Variants in B4GALT6 observed in about 807,000 individuals in gnomAD.
B4GALT6 encodes the protein UDP-Gal:beta-GlcNAc beta-1,4-galactosyltransferase 6.
Under a neutral mutation model 46.3 loss-of-function variants are expected in B4GALT6, and 14 were observed. The observed-to-expected ratio is 0.30, with a 90% CI of 0.20 to 0.47. B4GALT6 has a LOEUF of 0.47. Ranked by LOEUF, B4GALT6 falls within the 20% of genes least tolerant of loss-of-function variation. B4GALT6 has a pLI of 0.99. For synonymous variants in B4GALT6, 168 were observed against 162.0 expected (o/e 1.04, Z -0.28); for missense variants, 386 against 480.1 (o/e 0.80, Z 1.83).
At chr18:31,712,699 T>C in the B4GALT6 span, among the ~76,000 whole-genome samples, 1 of 152,214 alleles carries the variant, frequency 6.6e-6, no homozygotes, top group Non-Finnish European at 1.5e-5. Context: ...CCTAATCCTT[T>C]GGTTGTGCTC....
intron 1 of B4GALT6, among the ~76,000 whole-genome samples, chr18:31,674,850 G>A (rs982557913): frequency 1.3e-5 from 2 of 150,878 alleles, no homozygotes; most frequent in African/African-American, 4.9e-5. Context: ...GTGCCAGGCT[G>A]TTTAAAAAAA....
chr18:31,703,995 T>C, the B4GALT6 span, among the ~76,000 whole-genome samples: 2 of 152,170 alleles, frequency 1.3e-5, no homozygotes, highest in African/African-American at 4.8e-5. Context: ...ATTTTAATCC[T>C]TTTTTGTTAT....
intron 7 of B4GALT6, 113 bp from the exon 8 acceptor site, chr18:31,626,497 C>A (rs1021049278): frequency 8.8e-6 from 5 of 567,106 alleles, no homozygotes; most frequent in Non-Finnish European, 1.2e-5. Flanking sequence ...TCCCCAACCC[C>A]TGGGCCACAA....
the B4GALT6 span, among the ~76,000 whole-genome samples, chr18:31,715,417 TG>T: frequency 6.6e-6 from 1 of 151,624 alleles, no homozygotes; most frequent in Non-Finnish European, 1.5e-5. Flanking sequence ...TTTGTAGAGA[TG>T]GGGTCTCACT....
chr18:31,709,895 C>T, the B4GALT6 span, among the ~76,000 whole-genome samples: 1 of 151,762 alleles, frequency 6.6e-6, no homozygotes, highest in Admixed American at 6.6e-5. Context: ...GAGTTCAAGA[C>T]CAGCCTGGAC....
At chr18:31,701,122 C>G in the B4GALT6 span, among the ~76,000 whole-genome samples, 2 of 152,268 alleles carry the variant, frequency 1.3e-5, no homozygotes, top group East Asian at 1.9e-4. Context: ...CATGTTGAAT[C>G]GTAATCCCCA....
chr18:31,643,853 T>C (rs752400454), intron 4 of B4GALT6, among the ~76,000 whole-genome samples: 1 of 152,218 alleles, frequency 6.6e-6, no homozygotes, highest in Non-Finnish European at 1.5e-5. Flanking sequence ...AGGGGTGTGC[T>C]ACATTCTGTA....
rs923522289 is a variant in B4GALT6 at position 31,622,927 on chromosome 18, C to T, written c.*2687G>A. The T allele has an allele frequency of 6.6e-6, 1 of 151,964 alleles. No individual in the cohort carries two copies. The allele number at this position is 151,964 out of a possible 1,614,324, so 9.4% of individuals were successfully genotyped here. On this transcript the variant is annotated 3_prime_UTR_variant, in exon 9 of 9. Coordinates refer to ENST00000306851, the MANE Select transcript of B4GALT6 (RefSeq NM_004775.5). Reference sequence around the variant, plus strand: ...CACCATGTAATTTTCCCAGTTAGTGCCATAGGGACCTCCTATTAGCCCTAG... The same window carrying T: ...CACCATGTAATTTTCCCAGTTAGTGTCATAGGGACCTCCTATTAGCCCTAG...
chr18:31,660,671 A>G (rs1356047426), intron 2 of B4GALT6, among the ~76,000 whole-genome samples: 1 of 152,196 alleles, frequency 6.6e-6, no homozygotes, highest in East Asian at 1.9e-4. Context: ...AGGAAAGAAA[A>G]AGAATTGAAA....
chr18:31,661,587 C>G (rs1426078695), intron 2 of B4GALT6, among the ~76,000 whole-genome samples: 1 of 152,042 alleles, frequency 6.6e-6, no homozygotes, highest in Non-Finnish European at 1.5e-5. Context: ...GCTTTTGTTG[C>G]ACATACCACC....
At chr18:31,651,991 C>G (rs931813967) in intron 3 of B4GALT6, among the ~76,000 whole-genome samples, 6 of 152,100 alleles carry the variant, frequency 3.9e-5, no homozygotes, top group African/African-American at 7.2e-5. Flanking sequence ...AGGATGGTCT[C>G]GATCTCCTGA....
At chr18:31,674,551 T>C (rs1232845707) in intron 1 of B4GALT6, among the ~76,000 whole-genome samples, 26 of 152,158 alleles carry the variant, frequency 1.7e-4, no homozygotes, top group Admixed American at 1.7e-3. Flanking sequence ...TAACTACAGA[T>C]ATGTGAATCA....
chr18:31,718,731 T>G, the B4GALT6 span, among the ~76,000 whole-genome samples: 1 of 152,226 alleles, frequency 6.6e-6, no homozygotes, highest in Non-Finnish European at 1.5e-5. Context: ...GGAAGGGCAC[T>G]GATTCCTGGA....
chr18:31,633,783 C>T (rs2073822178), intron 5 of B4GALT6, among the ~76,000 whole-genome samples: 1 of 152,202 alleles, frequency 6.6e-6, no homozygotes, highest in Admixed American at 6.5e-5. Context: ...CTCACCTCCC[C>T]AGAGAGGCCT....
At chr18:31,699,569 C>T in the B4GALT6 span, among the ~76,000 whole-genome samples, 2 of 150,912 alleles carry the variant, frequency 1.3e-5, no homozygotes, top group South Asian at 4.2e-4. Context: ...CCACCACGCC[C>T]GGCCTAGACA....
rs533568432 is a variant in B4GALT6, at chr18:31,670,160, C to G, written c.116-3788G>C. ...CCTCCACCTCCTGGGCTCAAGCGAT[C>G]CTCCCACCTCAGTCTCACAAGTAGC... is the stretch of plus-strand genomic sequence containing the variant. On this transcript the variant is annotated intron_variant, in intron 1 of 8. Coordinates refer to ENST00000306851, the MANE Select transcript of B4GALT6 (RefSeq NM_004775.5). Among the ~76,000 whole-genome samples, 8 of 151,828 alleles carry G rather than the reference C, an allele frequency of 5.3e-5. No individual in the cohort carries two copies. In the South Asian group the frequency reaches 1.7e-3, roughly 32 times the overall value.
rs888455655 is a variant in B4GALT6 at position 31,658,177 on chromosome 18, A to G, written c.233-88T>C. 1.2e-5 allele frequency: 11 copies of G among 892,016 alleles called. No homozygotes were observed. In the South Asian group the frequency reaches 1.6e-4, roughly 13 times the overall value. 55.3% of individuals were successfully genotyped at this position (892,016 alleles called of 1,614,324 possible). The stretch of plus-strand genomic sequence containing the variant: ...GAAATACGTCACTATCACTGGGAGA[A>G]AACTACAATATACAATCTACAGAAG... On this transcript the variant is annotated intron_variant, in intron 2 of 8. Transcript: ENST00000306851.
At chr18:31,682,687 T>C (rs1364699426) in intron 1 of B4GALT6, among the ~76,000 whole-genome samples, 1 of 152,190 alleles carries the variant, frequency 6.6e-6, no homozygotes, top group Admixed American at 6.5e-5. Context: ...ATGTTACTCA[T>C]AATACTAAGA....
At chr18:31,650,716 C>G (rs1243568302) in intron 3 of B4GALT6, among the ~76,000 whole-genome samples, 1 of 152,148 alleles carries the variant, frequency 6.6e-6, no homozygotes, top group African/African-American at 2.4e-5. Context: ...AACCAAGAAC[C>G]CTGACTTTTG....
Sources: allele counts gnomAD v4.1 joint callset (sites outside exome capture counted in the v4.1 genomes callset), GRCh38; gene constraint gnomAD v4.1.1; transcripts MANE v1.5; gene names NCBI Gene and HGNC (gene_info 2026-07-23, HGNC 2026-07-21).